MAN1C1: variants seen among roughly 807,000 people sequenced by gnomAD.
The protein encoded by MAN1C1 is mannosyl-oligosaccharide 1,2-alpha-mannosidase IC.
MAN1C1 carries 49 observed loss-of-function variants against 71.5 expected under a neutral mutation model. The ratio of observed to expected loss-of-function variants is 0.69; its 90% CI spans 0.54 to 0.87. MAN1C1 has a LOEUF of 0.87. MAN1C1 is among the 40% of genes least tolerant of loss of function. The pLI, the probability that MAN1C1 is intolerant of heterozygous loss-of-function variation, is 0.00. For synonymous variants in MAN1C1, 352 were observed against 343.7 expected, an observed-to-expected ratio of 1.02 and a Z score of -0.27; for missense variants, 743 against 835.0, an observed-to-expected ratio of 0.89 and a Z score of 1.36.
chr1:25,680,885 T>C (rs1381825756), intron 1 of MAN1C1, among the ~76,000 whole-genome samples: 2 of 152,116 alleles, frequency 1.3e-5, no homozygotes, highest in Non-Finnish European at 2.9e-5. Context: ...CTCATAGGAC[T>C]CAGCCCATAG....
Position 25,711,826 on chromosome 1 carries a change from T to G in MAN1C1, c.637+25290T>G, listed in dbSNP as rs1038706570. 6.6e-6 allele frequency among the ~76,000 whole-genome samples: 1 copy of G among 152,230 alleles called. No homozygotes were observed. Among genetic ancestry groups the G allele is most frequent in the Non-Finnish European group, 1.5e-5 (1 of 68,044 alleles). ...GTGAAAGAGGATACTTTCTTTATTT[T>G]ACTAAAAGATTCCTTTCATTCAGAT... On this transcript the variant is annotated intron_variant, in intron 2 of 11. Transcript: ENST00000374332. This position sits in a 1 kb window ranked among gnomAD's most constrained non-coding sequence, Gnocchi z 4.3.
At chr1:25,662,516 A>G (rs2045863245) in intron 1 of MAN1C1, among the ~76,000 whole-genome samples, 1 of 152,168 alleles carries the variant, frequency 6.6e-6, no homozygotes, top group Admixed American at 6.5e-5. Flanking sequence ...TGCTAACCTG[A>G]TAAAAACTAT....
chr1:25,622,000 G>T (rs1182536642), intron 1 of MAN1C1, among the ~76,000 whole-genome samples: 1 of 152,158 alleles, frequency 6.6e-6, no homozygotes. Flanking sequence ...AGGGAATTAG[G>T]CTGGCTGGGG....
At chr1:25,763,835 G>C (rs566189800) in intron 6 of MAN1C1, 39 bp from the exon 7 acceptor site, 45 of 1,566,614 alleles carry the variant, frequency 2.9e-5, no homozygotes, top group Non-Finnish European at 3.9e-5. Flanking sequence ...CGGCTTCTTC[G>C]GAAGCATGAA....
intron 2 of MAN1C1, among the ~76,000 whole-genome samples, chr1:25,697,229 CT>C (rs2046381676): frequency 6.6e-6 from 1 of 152,194 alleles, no homozygotes; most frequent in Non-Finnish European, 1.5e-5. Flanking sequence ...CACTAATCTA[CT>C]TTCTGTCTCT....
intron 1 of MAN1C1, among the ~76,000 whole-genome samples, chr1:25,676,548 G>A (rs1379477391): frequency 6.6e-6 from 1 of 152,126 alleles, no homozygotes; most frequent in Non-Finnish European, 1.5e-5. Flanking sequence ...AAGTGGAAGA[G>A]GAGAAAAAAA....
chr1:25,693,151 A>G (rs777048623), intron 2 of MAN1C1, among the ~76,000 whole-genome samples: 8 of 152,248 alleles, frequency 5.3e-5, no homozygotes, highest in Non-Finnish European at 7.3e-5. Context: ...ACTGTATTAT[A>G]ATAACATAAG....
chr1:25,672,908 T>C (rs2046011710), intron 1 of MAN1C1, among the ~76,000 whole-genome samples: 1 of 152,126 alleles, frequency 6.6e-6, no homozygotes, highest in Admixed American at 6.5e-5. Context: ...TGGAGGCTCT[T>C]ACACAGAGGA....
At chr1:25,624,998 A>ATTTTTTTTTTTT (rs1032269792) in intron 1 of MAN1C1, among the ~76,000 whole-genome samples, 2 of 101,590 alleles carry the variant, frequency 2.0e-5, no homozygotes, top group African/African-American at 8.9e-5. Context: ...AAATGCACAG[A>ATTTTTTTTTTTT]TTTTTTTTTT....
At chr1:25,702,088 G>C (rs2046452062) in intron 2 of MAN1C1, among the ~76,000 whole-genome samples, 1 of 152,056 alleles carries the variant, frequency 6.6e-6, no homozygotes. Flanking sequence ...TAAAAGTAAA[G>C]CCAAATTAGT....
intron 1 of MAN1C1, among the ~76,000 whole-genome samples, chr1:25,665,939 T>TA (rs1201191077): frequency 6.7e-6 from 1 of 148,746 alleles, no homozygotes; most frequent in African/African-American, 2.5e-5. Context: ...GATCTCAAGT[T>TA]ATGGCTGTAA....
At chr1:25,685,473 C>T (rs771915270) in intron 1 of MAN1C1, among the ~76,000 whole-genome samples, 21 of 152,310 alleles carry the variant, frequency 1.4e-4, no homozygotes, top group Non-Finnish European at 3.1e-4. Context: ...AAAAGGGGCA[C>T]ACCATAAAGG....
chr1:25,640,118 A>G (rs149494197), intron 1 of MAN1C1, among the ~76,000 whole-genome samples: 1 of 152,330 alleles, frequency 6.6e-6, no homozygotes, highest in Non-Finnish European at 1.5e-5. Context: ...GAGGGATGCT[A>G]AGTAGCTGAA....
intron 1 of MAN1C1, among the ~76,000 whole-genome samples, chr1:25,622,023 G>A (rs1052361895): frequency 2.6e-5 from 4 of 152,152 alleles, no homozygotes; most frequent in Admixed American, 6.5e-5. Context: ...CTGAGAACGC[G>A]GTACTGGAGT....
intron 2 of MAN1C1, among the ~76,000 whole-genome samples, chr1:25,727,455 C>T (rs971026641): frequency 1.3e-5 from 2 of 152,164 alleles, no homozygotes; most frequent in Non-Finnish European, 2.9e-5. Flanking sequence ...CTGCACCCAC[C>T]CTGCCCGAGA....
intron 1 of MAN1C1, among the ~76,000 whole-genome samples, chr1:25,649,784 T>A: frequency 6.6e-6 from 1 of 152,112 alleles, no homozygotes; most frequent in East Asian, 1.9e-4. Flanking sequence ...ATTACAGGTG[T>A]GTGCCACCAT....
rs1476393224 is a variant in MAN1C1, at chr1:25,618,107, C to T, written c.310C>T (p.Arg104Cys). The change falls in exon 1 of 12, where the codon CGC becomes TGC. Residue 104 changes from arginine to cysteine, a missense_variant. Physicochemically the swap from Arg to Cys is radical, Grantham distance 180. Transcript: ENST00000374332. The part of the protein sequence containing the change: ...DDPSSWASPR[R>C]RKGGLRRTRP... ...CCCCAGCAGCTGGGCCAGTCCCCGC[C>T]GCAGGAAAGGGGGGCTGCGGCGCAC... is the stretch of plus-strand genomic sequence containing the variant. 1.3e-6 allele frequency: 2 copies of T among 1,512,834 alleles called. No individual in the cohort carries two copies. Among genetic ancestry groups the T allele is most frequent in the Non-Finnish European group, 8.8e-7 (1 of 1,138,668 alleles). The allele number at this position is 1,512,834 out of a possible 1,614,324, so 93.7% of individuals were successfully genotyped here.
chr1:25,727,929 A>G (rs1368566162), intron 2 of MAN1C1, among the ~76,000 whole-genome samples: 5 of 152,204 alleles, frequency 3.3e-5, no homozygotes, highest in Non-Finnish European at 7.4e-5. Flanking sequence ...CTTTGATAAC[A>G]CAGTCTACCT....
chr1:25,675,584 CG>C (rs61385512), intron 1 of MAN1C1, among the ~76,000 whole-genome samples: 12,036 of 56,038 alleles, frequency 0.21, 1,363 homozygotes, highest in African/African-American at 0.39. Context: ...ACTTATTTTG[CG>C]GGGGGGGGGG....
Sources: gnomAD v4.1 joint callset for allele counts (sites outside exome capture counted in the v4.1 genomes callset) on GRCh38, gnomAD v4.1.1 for gene constraint, Gnocchi (gnomAD v3.1) non-coding constraint, MANE v1.5 for transcripts, NCBI Gene and HGNC (gene_info 2026-07-23, HGNC 2026-07-21) for gene names.